The following CUL5 variants were observed in gnomAD, a reference collection of about 807,000 sequenced individuals.
The protein encoded by CUL5 is cullin 5.
CUL5 carries 26 observed loss-of-function variants against 108.8 expected under a neutral mutation model. The observed-to-expected ratio is 0.24, with a 90% confidence interval of 0.18 to 0.33. The LOEUF is 0.33. CUL5 is among the 10% of genes least tolerant of loss of function. The pLI is 1.00. For synonymous variants in CUL5, 334 were observed against 298.0 expected (o/e 1.12, Z -1.25); for missense variants, 524 against 909.2 (o/e 0.58, Z 5.45).
intron 11 of CUL5, among the ~76,000 whole-genome samples, chr11:108,079,504 C>G (rs968896428): frequency 5.9e-5 from 9 of 152,176 alleles, no homozygotes; most frequent in African/African-American, 1.9e-4. Flanking sequence ...CGTCAGTCAA[C>G]TTTTTAAGTG....
chr11:108,049,256 C>A lies in CUL5; in HGVS notation c.235-634C>A, dbSNP rs1218510029. 1.3e-4 allele frequency among the ~76,000 whole-genome samples: 19 copies of A among 151,730 alleles called. No individual in the cohort carries two copies. The Admixed American group carries it at 1.3e-3, about 10-fold the overall frequency. The stretch of plus-strand genomic sequence containing the variant: ...TGGCCTTTTGTGACTAGTTTTCTTT[C>A]ACAATATTTGTTTCTCTTTATGGCT... On this transcript the variant is annotated intron_variant, in intron 3 of 18. Transcript: ENST00000393094.
chr11:108,065,593 A>G (rs7947408), intron 7 of CUL5, among the ~76,000 whole-genome samples: 20,243 of 152,110 alleles, frequency 0.13, 1,440 homozygotes, highest in African/African-American at 0.19. Flanking sequence ...GGTGAGTTCA[A>G]TGCAGTATCT....
chr11:108,064,933 T>C lies in CUL5; in HGVS notation c.781-5163T>C, dbSNP rs182439475. ...TGAGTAGAATTGATATTAGTTCTAC[T>C]TGAAATATTTGGTAGGATTCAGCAG... is the stretch of plus-strand genomic sequence containing the variant. On this transcript the variant is annotated intron_variant, in intron 7 of 18. Transcript: ENST00000393094. 3.9e-5 allele frequency among the ~76,000 whole-genome samples: 6 copies of C among 152,156 alleles called. No individual in the cohort carries two copies. In the East Asian group the frequency reaches 1.2e-3, roughly 29 times the overall value.
Position 108,091,128 on chromosome 11 carries a change from T to C in CUL5, c.1443+1505T>C, listed in dbSNP as rs180803251. Among the ~76,000 whole-genome samples the C allele has an allele frequency of 3.7e-3, 562 of 152,180 alleles. 2 individuals carry two copies. Among genetic ancestry groups the C allele is most frequent in the African/African-American group, 0.013 (534 of 41,548 alleles). ...TTGCAGTGGTGCAATCTTGACTCAC[T>C]GAAACCTCTGTCTCCCAGATTCAAG... On this transcript the variant is annotated intron_variant, in intron 13 of 18. Coordinates refer to ENST00000393094, the MANE Select transcript of CUL5 (RefSeq NM_003478.6).
intron 11 of CUL5, among the ~76,000 whole-genome samples, chr11:108,085,916 C>T (rs1403035644): frequency 2.0e-5 from 3 of 152,086 alleles, no homozygotes; most frequent in African/African-American, 7.2e-5. Context: ...TTTAAAAGCA[C>T]TGAATTGTAC....
chr11:108,099,850 C>T (rs1026252690), intron 18 of CUL5, among the ~76,000 whole-genome samples: 3 of 151,006 alleles, frequency 2.0e-5, no homozygotes, highest in Middle Eastern at 3.2e-3. Context: ...TTTTTTTGCT[C>T]AGCATGAAAA....
At chr11:108,016,156 C>T (rs1350165543) in intron 1 of CUL5, among the ~76,000 whole-genome samples, 4 of 152,300 alleles carry the variant, frequency 2.6e-5, no homozygotes, top group Admixed American at 2.6e-4. Flanking sequence ...CTCCAGTGAT[C>T]TTCCTGCGTA....
intron 7 of CUL5, among the ~76,000 whole-genome samples, chr11:108,059,601 G>A (rs1260915318): frequency 3.9e-5 from 6 of 152,234 alleles, no homozygotes; most frequent in South Asian, 2.1e-4. Context: ...GGAATAGGCC[G>A]GGCGCGGTGG....
chr11:108,098,283 T>G, intron 17 of CUL5, 123 bp from the exon 18 acceptor site: 1 of 850,106 alleles, frequency 1.2e-6, no homozygotes. Context: ...ATTTGTCATT[T>G]AACCTTTAAA....
chr11:108,081,522 G>A (rs1401937010), intron 11 of CUL5, among the ~76,000 whole-genome samples: 1 of 152,096 alleles, frequency 6.6e-6, no homozygotes, highest in Non-Finnish European at 1.5e-5. Flanking sequence ...GGAGGCCGAG[G>A]CGGGCAGATC....
At chr11:108,044,682 T>C (rs1863023803) in intron 2 of CUL5, among the ~76,000 whole-genome samples, 2 of 152,102 alleles carry the variant, frequency 1.3e-5, no homozygotes, top group African/African-American at 4.8e-5. Context: ...CCCTGTCCTT[T>C]CGTTGTTTCT....
At chr11:108,099,440 A>G (rs1864588698) in intron 18 of CUL5, among the ~76,000 whole-genome samples, 1 of 152,246 alleles carries the variant, frequency 6.6e-6, no homozygotes, top group Admixed American at 6.5e-5. Context: ...GGCAATAAAT[A>G]AAAGGAGAAT....
intron 18 of CUL5, among the ~76,000 whole-genome samples, chr11:108,100,405 T>C (rs1370389762): frequency 2.0e-5 from 3 of 152,006 alleles, no homozygotes; most frequent in Non-Finnish European, 4.4e-5. Flanking sequence ...TAGCCAGCTG[T>C]GGTGGCGCAT....
chr11:108,036,435 C>T (rs1862745496), intron 2 of CUL5, among the ~76,000 whole-genome samples: 1 of 152,098 alleles, frequency 6.6e-6, no homozygotes, highest in Non-Finnish European at 1.5e-5. Context: ...GATGCAATAG[C>T]TGCAAAGTAC....
In CUL5 at chr11:108,107,561, AGTT is replaced by A. The variant is rs1255970208; in HGVS notation, c.*3180_*3182del. On this transcript the variant is annotated 3_prime_UTR_variant, in exon 19 of 19. Transcript: ENST00000393094. ...TTGAACAAATTTATTTTAGTTTCTA[AGTT>A]GTAATCTATCCTCATATGGTCTATA... 4 of 152,626 alleles carry A rather than the reference AGTT, an allele frequency of 2.6e-5. No homozygotes were observed. The highest frequency in any genetic ancestry group is 5.9e-5 in the Non-Finnish European group (4 of 68,032). The allele number at this position is 152,626 out of a possible 1,614,324, so 9.5% of individuals were successfully genotyped here.
rs145516532 is a variant in CUL5, at chr11:108,091,732, C to T, written c.1443+2109C>T. On this transcript the variant is annotated intron_variant, in intron 13 of 18. Transcript: ENST00000393094. ...ACACACACACACACACACACACACA[C>T]GACAAATAATTAAAAGCAGGCAAAG... Among the ~76,000 whole-genome samples, 368 of 149,926 alleles carry T rather than the reference C, an allele frequency of 2.5e-3. 1 individual carries two copies. The highest frequency in any genetic ancestry group is 8.3e-3 in the African/African-American group (336 of 40,640).
intron 2 of CUL5, among the ~76,000 whole-genome samples, chr11:108,044,875 C>T (rs1344556802): frequency 6.6e-6 from 1 of 152,086 alleles, no homozygotes; most frequent in Non-Finnish European, 1.5e-5. Flanking sequence ...GATTCTCATG[C>T]TTCAGCCTCC....
At chr11:108,104,147 A>T in intron 18 of CUL5, 43 bp from the exon 19 acceptor site, 1 of 1,253,956 alleles carries the variant, frequency 8.0e-7, no homozygotes, top group Non-Finnish European at 1.1e-6. Context: ...ACTTAAAATA[A>T]TTTCGTATAT....
chr11:108,046,348 G>C lies in CUL5; in HGVS notation c.213G>C (p.Glu71Asp). ...AGGCTTTAAAAGAAGATATTCTTGA[G>C]TTTATTAAGCAAGCACAGGCAGTAA... ...IHQALKEDIL[E>D]FIKQAQARVL... Residue 71 changes from glutamate to aspartate, a missense_variant, in exon 3 of 19, where the codon GAG (glutamate) becomes GAC (aspartate). Around this residue, in one of 8 missense-constraint regions of CUL5, gnomAD observed 76 missense variants for 90.8 expected, o/e 0.84. Transcript: ENST00000393094. 1 of 1,611,570 alleles carries C rather than the reference G, an allele frequency of 6.2e-7. No individual in the cohort carries two copies. The highest frequency in any genetic ancestry group is 8.5e-7 in the Non-Finnish European group (1 of 1,178,296).
Sources: gnomAD v4.1 joint callset for allele counts (sites outside exome capture counted in the v4.1 genomes callset) on GRCh38, gnomAD v4.1.1 for gene constraint, gnomAD v4.1.1 regional missense constraint, MANE v1.5 for transcripts, NCBI Gene and HGNC (gene_info 2026-07-23, HGNC 2026-07-21) for gene names.